BAZ2B: variants seen among roughly 807,000 people sequenced by gnomAD.
BAZ2B encodes the protein bromodomain adjacent to zinc finger domain protein 2B.
BAZ2B carries 91 observed loss-of-function variants against 246.0 expected under a neutral mutation model. The observed-to-expected ratio is 0.37, with a 90% CI of 0.31 to 0.44. The LOEUF (loss-of-function observed/expected upper bound fraction) is 0.44. Ranked by LOEUF, BAZ2B falls within the 20% of genes least tolerant of loss-of-function variation. The probability of loss-of-function intolerance (pLI) is 1.00; values close to 1 mark genes in which losing one functional copy is unlikely to be tolerated. For synonymous variants in BAZ2B, 855 were observed against 860.0 expected (o/e 0.99, Z 0.10); for missense variants, 2,332 against 2,533.7 (o/e 0.92, Z 1.71).
At chr2:159,585,294 G>A (rs1283478364) in intron 1 of BAZ2B, among the ~76,000 whole-genome samples, 2 of 152,176 alleles carry the variant, frequency 1.3e-5, no homozygotes, top group African/African-American at 4.8e-5. Flanking sequence ...TAAGAGTAAA[G>A]TGGCTTGCTC....
At chr2:159,695,627 T>TA in the BAZ2B span, among the ~76,000 whole-genome samples, 1 of 152,208 alleles carries the variant, frequency 6.6e-6, no homozygotes, top group Non-Finnish European at 1.5e-5. Flanking sequence ...CATCATTTGT[T>TA]AGAGAGGTTT....
intron 27 of BAZ2B, among the ~76,000 whole-genome samples, chr2:159,361,646 A>T (rs1214453595): frequency 1.3e-5 from 2 of 152,366 alleles, no homozygotes; most frequent in East Asian, 3.9e-4. Flanking sequence ...CTATAAAGAC[A>T]CATGCACATG....
At chr2:159,510,417 G>A (rs763873258) in intron 2 of BAZ2B, among the ~76,000 whole-genome samples, 6 of 152,068 alleles carry the variant, frequency 3.9e-5, no homozygotes, top group Admixed American at 6.5e-5. Context: ...TTGAGACCCC[G>A]TCTCAGCCTT....
At chr2:159,683,906 A>G in the BAZ2B span, among the ~76,000 whole-genome samples, 1 of 152,218 alleles carries the variant, frequency 6.6e-6, no homozygotes, top group Non-Finnish European at 1.5e-5. Context: ...TTTATAAGGT[A>G]ACACTTTCAG....
At chr2:159,464,318 T>G (rs1371400650) in intron 3 of BAZ2B, 7 of 152,200 alleles carry the variant, frequency 4.6e-5, no homozygotes, top group South Asian at 2.1e-4. Context: ...CTCAGTCTTG[T>G]TTGTTATGAC....
intron 3 of BAZ2B, among the ~76,000 whole-genome samples, chr2:159,470,370 A>G (rs1240348225): frequency 6.6e-6 from 1 of 152,248 alleles, no homozygotes; most frequent in East Asian, 1.9e-4. Flanking sequence ...GAGTAATAAA[A>G]TTGTCCTACA....
chr2:159,548,203 T>C (rs1032086679), intron 2 of BAZ2B, among the ~76,000 whole-genome samples: 4 of 152,208 alleles, frequency 2.6e-5, no homozygotes, highest in Non-Finnish European at 5.9e-5. Flanking sequence ...GTTACTGTAC[T>C]ACATTTTAAA....
chr2:159,395,536 T>C, intron 20 of BAZ2B: 1 of 344,588 alleles, frequency 2.9e-6, no homozygotes, highest in South Asian at 5.7e-5. Context: ...TTTACTACAC[T>C]AAAAAAAGAC....
chr2:159,374,747 C>T lies in BAZ2B; in HGVS notation c.4012G>A (p.Gly1338Ser), dbSNP rs1307526864. Residue 1338 changes from glycine to serine, a missense_variant, in exon 26 of 37, where the codon GGT (glycine) becomes AGT (serine). By Grantham distance (56) the Gly-to-Ser change is moderately conservative. Transcript: ENST00000392783. ...TCTTCAACACTTGCTGCTTGGTCAC[C>T]TTCATCCTATACATAAGAAAATACA... ...KTDICEDEDEGDQAASVEELE... is the reference protein window; with the variant it reads ...KTDICEDEDESDQAASVEELE... 6.2e-7 allele frequency: 1 copy of T among 1,611,876 alleles called. No individual in the cohort carries two copies. Among genetic ancestry groups the T allele is most frequent in the Non-Finnish European group, 8.5e-7 (1 of 1,178,534 alleles).
intron 36 of BAZ2B, 119 bp downstream of exon 36, chr2:159,324,692 G>GGC (rs2063214408): frequency 3.5e-5 from 12 of 342,600 alleles, no homozygotes; most frequent in African/African-American, 3.0e-4. Flanking sequence ...ACACACACCT[G>GGC]CCTCAAAGGC....
At chr2:159,317,000 C>CAATAAAATAAAATAA (rs34405313), downstream of BAZ2B, among the ~76,000 whole-genome samples, 2 of 148,712 alleles carry the variant, frequency 1.3e-5, no homozygotes, top group Admixed American at 6.8e-5. Flanking sequence ...TACTCTGTCT[C>CAATAAAATAAAATAA]AATAAAATAA....
upstream of BAZ2B, among the ~76,000 whole-genome samples, chr2:159,618,134 G>A (rs561258923): frequency 2.0e-5 from 3 of 151,944 alleles, no homozygotes; most frequent in Admixed American, 6.6e-5. Context: ...CCACATTCCC[G>A]GAATACAGAT....
chr2:159,384,600 T>C (rs944660236), intron 23 of BAZ2B, among the ~76,000 whole-genome samples: 3 of 152,110 alleles, frequency 2.0e-5, no homozygotes, highest in Non-Finnish European at 4.4e-5. Context: ...ATGTTGGTAT[T>C]AGTATTTTAC....
rs768943366 is a variant in BAZ2B, at chr2:159,405,099, G to A, written c.2693C>T (p.Ala898Val). ...KLQAQEIARQAAQIKLLRKLQ... is the reference protein window; with the variant it reads ...KLQAQEIARQVAQIKLLRKLQ... ...TTTTCTCAAAAGCTTTATTTGTGCT[G>A]CTTGCCTGGCTATTTCTGAAAAACA... is the stretch of plus-strand genomic sequence containing the variant. Residue 898 changes from alanine (A) to valine (V), a missense_variant, in exon 15 of 37, where the codon GCA becomes GTA. By Grantham distance (64) the Ala-to-Val change is moderately conservative (BLOSUM62 0). This residue lies in a region of BAZ2B where 651 missense variants were observed against 650.9 expected (regional missense o/e 1.00). Transcript: ENST00000392783. 2.2e-5 allele frequency: 36 copies of A among 1,613,814 alleles called. No homozygotes were observed. Among genetic ancestry groups the A allele is most frequent in the Non-Finnish European group, 2.9e-5 (34 of 1,179,966 alleles).
At chr2:159,358,324 T>C (rs533191112) in intron 27 of BAZ2B, among the ~76,000 whole-genome samples, 72 of 152,186 alleles carry the variant, frequency 4.7e-4, no homozygotes, top group African/African-American at 1.7e-3. Context: ...TAGTCTCTGA[T>C]AAAACAGACT....
chr2:159,630,009 C>T, the BAZ2B span, among the ~76,000 whole-genome samples: 1 of 151,762 alleles, frequency 6.6e-6, no homozygotes, highest in African/African-American at 2.4e-5. Flanking sequence ...TAAATTAAAA[C>T]CTTTAAAAAA....
intron 2 of BAZ2B, among the ~76,000 whole-genome samples, chr2:159,508,604 C>T (rs1298722156): frequency 9.5e-6 from 1 of 105,554 alleles, no homozygotes; most frequent in African/African-American, 2.9e-5. Context: ...CAGAGGTTTG[C>T]CAAAAATAAA....
At chr2:159,556,528 G>A (rs965366987) in intron 1 of BAZ2B, among the ~76,000 whole-genome samples, 2 of 139,344 alleles carry the variant, frequency 1.4e-5, no homozygotes, top group Non-Finnish European at 3.0e-5. Context: ...TGGCGCGATC[G>A]TGGCTCACTG....
chr2:159,421,425 T>C (rs2068726810), intron 13 of BAZ2B, among the ~76,000 whole-genome samples: 1 of 152,140 alleles, frequency 6.6e-6, no homozygotes, highest in Admixed American at 6.5e-5. Flanking sequence ...TCCTCCTGTC[T>C]TGGCCTCCCA....
Sources: allele counts gnomAD v4.1 joint callset (sites outside exome capture counted in the v4.1 genomes callset), GRCh38; gene constraint gnomAD v4.1.1; regional missense constraint gnomAD v4.1.1; transcripts MANE v1.5; gene names NCBI Gene and HGNC (gene_info 2026-07-23, HGNC 2026-07-21).